KCNB2: variants seen among roughly 807,000 people sequenced by gnomAD.
KCNB2 encodes the protein potassium voltage-gated channel subfamily B member 2.
KCNB2 carries 15 observed loss-of-function variants against 61.5 expected under a neutral mutation model. The ratio of observed to expected loss-of-function variants is 0.24; its 90% CI spans 0.16 to 0.38. The LOEUF is 0.38. Among genes scored for constraint, KCNB2 ranks in the 10% least tolerant of loss-of-function variants. The pLI, the probability that KCNB2 is intolerant of heterozygous loss-of-function variation, is 1.00. For missense variants in KCNB2, 828 were observed against 1,125.2 expected (o/e 0.74, Z 3.78); for synonymous variants, 457 against 446.0 (o/e 1.02, Z -0.31).
At chr8:72,736,672 A>T (rs1046175611) in intron 2 of KCNB2, among the ~76,000 whole-genome samples, 5 of 152,180 alleles carry the variant, frequency 3.3e-5, no homozygotes, top group African/African-American at 4.8e-5. Context: ...TCTATCTAAC[A>T]AGATACAAGG....
At chr8:72,586,605 G>A (rs1349877049) in intron 2 of KCNB2, among the ~76,000 whole-genome samples, 1 of 152,170 alleles carries the variant, frequency 6.6e-6, no homozygotes, top group African/African-American at 2.4e-5. Context: ...TACTTTTCAT[G>A]TTATCGTATT....
chr8:72,760,313 A>G (rs1808356884), intron 2 of KCNB2, among the ~76,000 whole-genome samples: 1 of 152,192 alleles, frequency 6.6e-6, no homozygotes, highest in African/African-American at 2.4e-5. Context: ...GCATTCAGTG[A>G]GGTAATGTAT....
At chr8:72,646,758 G>A (rs1232248250) in intron 2 of KCNB2, among the ~76,000 whole-genome samples, 2 of 152,140 alleles carry the variant, frequency 1.3e-5, no homozygotes, top group Non-Finnish European at 2.9e-5. Flanking sequence ...TGCTTAGTGA[G>A]TATGAGGTGT....
chr8:72,574,202 G>T (rs1016724635), intron 2 of KCNB2, among the ~76,000 whole-genome samples: 3 of 152,206 alleles, frequency 2.0e-5, no homozygotes, highest in African/African-American at 7.2e-5. Context: ...TTTAGCTGCA[G>T]CGATCCTATT....
intron 2 of KCNB2, among the ~76,000 whole-genome samples, chr8:72,656,445 C>A (rs1376570099): frequency 6.6e-6 from 1 of 151,976 alleles, no homozygotes; most frequent in Non-Finnish European, 1.5e-5. Flanking sequence ...TGTCAACATT[C>A]GAGTCGTAAA....
chr8:72,914,906 CT>C (rs369558325), intron 2 of KCNB2, among the ~76,000 whole-genome samples: 2,850 of 136,188 alleles, frequency 0.021, 28 homozygotes, highest in African/African-American at 0.04. Context: ...GACTAATCTT[CT>C]TTTTTTTTTT....
chr8:72,659,265 G>T (rs554842487), intron 2 of KCNB2, among the ~76,000 whole-genome samples: 1 of 152,172 alleles, frequency 6.6e-6, no homozygotes, highest in East Asian at 1.9e-4. Flanking sequence ...GGAAGTGACT[G>T]CAAATGTGGT....
At chr8:72,671,132 G>A (rs1806557890) in intron 2 of KCNB2, among the ~76,000 whole-genome samples, 2 of 152,120 alleles carry the variant, frequency 1.3e-5, no homozygotes, top group African/African-American at 2.4e-5. Flanking sequence ...AGGGATGGAG[G>A]TTGAGTTTTT....
rs137894203 is a variant in KCNB2 at position 72,927,182 on chromosome 8, G to A, written c.580-8753G>A. On this transcript the variant is annotated intron_variant, in intron 2 of 2. Transcript: ENST00000523207. ...AAAACTGGTCTATAGAAGGAAGCGC[G>A]TCAAACTCTTCATCACTACACCGAG... Among the ~76,000 whole-genome samples the A allele has an allele frequency of 2.4e-4, 37 of 152,182 alleles. No individual in the cohort carries two copies. The East Asian group carries it at 6.2e-3, about 25-fold the overall frequency.
chr8:72,569,185 C>CA (rs958107674), intron 2 of KCNB2, among the ~76,000 whole-genome samples: 13 of 152,172 alleles, frequency 8.5e-5, no homozygotes, highest in African/African-American at 3.1e-4. Context: ...AGTAAAAATT[C>CA]AAAAAGCCAT....
At chr8:72,761,433 GA>G (rs1808377611) in intron 2 of KCNB2, among the ~76,000 whole-genome samples, 1 of 152,150 alleles carries the variant, frequency 6.6e-6, no homozygotes. Flanking sequence ...GAGATTTGGG[GA>G]AAAAACCCAG....
intron 2 of KCNB2, among the ~76,000 whole-genome samples, chr8:72,785,049 A>T (rs796525533): frequency 6.6e-6 from 1 of 152,182 alleles, no homozygotes; most frequent in Admixed American, 6.6e-5. Context: ...TAACACCTTT[A>T]TAATCTAATG....
chr8:72,552,662 T>C (rs1019370109), intron 1 of KCNB2, among the ~76,000 whole-genome samples: 4 of 152,212 alleles, frequency 2.6e-5, no homozygotes, highest in Admixed American at 2.6e-4. Context: ...AGTACCAGTT[T>C]GACTTTGATG....
chr8:72,610,715 A>G (rs1805524066), intron 2 of KCNB2, among the ~76,000 whole-genome samples: 1 of 152,222 alleles, frequency 6.6e-6, no homozygotes. Flanking sequence ...GAATTCAGAC[A>G]TCATTAAATT....
chr8:72,870,606 G>C (rs914085297), intron 2 of KCNB2, among the ~76,000 whole-genome samples: 1 of 152,162 alleles, frequency 6.6e-6, no homozygotes. Flanking sequence ...TTCCACCTAT[G>C]TATGAGCTTA....
At chr8:72,847,312 C>G (rs2129003039) in intron 2 of KCNB2, among the ~76,000 whole-genome samples, 1 of 152,278 alleles carries the variant, frequency 6.6e-6, no homozygotes, top group Admixed American at 6.5e-5. Context: ...AACCAAGCAC[C>G]CAACTGGTGC....
intron 2 of KCNB2, among the ~76,000 whole-genome samples, chr8:72,581,358 C>T (rs1384325721): frequency 1.3e-5 from 2 of 152,138 alleles, no homozygotes; most frequent in African/African-American, 4.8e-5. Context: ...CTTGTAATCT[C>T]ATGATTTTGA....
chr8:72,897,281 A>AT (rs34211996), intron 2 of KCNB2, among the ~76,000 whole-genome samples: 6,554 of 152,054 alleles, frequency 0.043, 467 homozygotes, highest in African/African-American at 0.14. Context: ...AAATAAAAAA[A>AT]TTATCTAATT....
At chr8:72,712,896 G>T (rs1437644289) in intron 2 of KCNB2, among the ~76,000 whole-genome samples, 2 of 152,204 alleles carry the variant, frequency 1.3e-5, no homozygotes, top group African/African-American at 4.8e-5. Context: ...AGGGGTCAGG[G>T]AATTCCCTTC....
Sources: allele counts gnomAD v4.1 joint callset (sites outside exome capture counted in the v4.1 genomes callset), GRCh38; gene constraint gnomAD v4.1.1; transcripts MANE v1.5; gene names NCBI Gene and HGNC (gene_info 2026-07-23, HGNC 2026-07-21).